TRPM3: variants seen among roughly 807,000 people sequenced by gnomAD.
The protein encoded by TRPM3 is long transient receptor potential channel 3.
A neutral mutation model predicts 181.2 loss-of-function variants in TRPM3; 77 were observed. The ratio of observed to expected loss-of-function variants is 0.42; its 90% CI spans 0.35 to 0.51. The LOEUF is 0.51. TRPM3 is among the 20% of genes least tolerant of loss of function. The pLI, the probability that TRPM3 is intolerant of heterozygous loss-of-function variation, is 0.01. For missense variants in TRPM3, 1,759 were observed against 2,196.7 expected (o/e 0.80, Z 3.98); for synonymous variants, 745 against 796.4 (o/e 0.94, Z 1.09).
intron 1 of TRPM3, among the ~76,000 whole-genome samples, chr9:71,030,968 A>T (rs1275622715): frequency 6.6e-6 from 1 of 152,176 alleles, no homozygotes; most frequent in East Asian, 1.9e-4. Context: ...GAAATGTTGA[A>T]CTTATGGGAT....
chr9:70,948,067 T>G (rs1564823479), intron 1 of TRPM3, among the ~76,000 whole-genome samples: 2 of 152,076 alleles, frequency 1.3e-5, no homozygotes, highest in Non-Finnish European at 1.5e-5. Flanking sequence ...CCAGCCTTAG[T>G]ATCATCCAAA....
chr9:71,371,063 G>A (rs1253979090), intron 1 of TRPM3, among the ~76,000 whole-genome samples: 7 of 146,622 alleles, frequency 4.8e-5, no homozygotes, highest in African/African-American at 5.1e-5. Context: ...CTACTTCTGA[G>A]AAAAAAAAAA....
At chr9:70,853,132 T>A (rs1318702720) in intron 3 of TRPM3, among the ~76,000 whole-genome samples, 2 of 152,204 alleles carry the variant, frequency 1.3e-5, no homozygotes, top group Admixed American at 1.3e-4. Context: ...TTTAGAGATA[T>A]CTTGGCAATC....
rs1197071384 is a variant in TRPM3 at position 71,198,881 on chromosome 9, T to A, written c.183+247772A>T. Reference sequence around the variant, plus strand: ...CCCTTTATTTCCTTCTCCTGTCTAATTGCCCTGGCCAGAACTTCCAACACT... The same window carrying A: ...CCCTTTATTTCCTTCTCCTGTCTAAATGCCCTGGCCAGAACTTCCAACACT... On this transcript the variant is annotated intron_variant, in intron 1 of 24. Transcript: ENST00000357533. Among the ~76,000 whole-genome samples, 2 of 118,256 alleles carry A rather than the reference T, an allele frequency of 1.7e-5. 1 individual carries two copies. Among genetic ancestry groups the A allele is most frequent in the Non-Finnish European group, 3.8e-5 (2 of 52,882 alleles). The allele number at this position is 118,256 out of a possible 152,430, so 77.6% of individuals were successfully genotyped here.
At chr9:70,672,459 G>A (rs551589426) in intron 9 of TRPM3, among the ~76,000 whole-genome samples, 1 of 152,252 alleles carries the variant, frequency 6.6e-6, no homozygotes, top group South Asian at 2.1e-4. Flanking sequence ...ATGCCACTTT[G>A]CCTGAATTCA....
intron 1 of TRPM3, among the ~76,000 whole-genome samples, chr9:71,107,289 C>T (rs567269628): frequency 6.6e-6 from 1 of 152,246 alleles, no homozygotes; most frequent in South Asian, 2.1e-4. Context: ...CTTGCCTTTG[C>T]CTGTACTGCA....
intron 6 of TRPM3, among the ~76,000 whole-genome samples, chr9:70,822,759 T>TTGTGTGTGTGTGTGTGTG (rs113090222): frequency 6.8e-6 from 1 of 147,100 alleles, no homozygotes; most frequent in African/African-American, 2.5e-5. Flanking sequence ...AAGATTTGTC[T>TTGTGTGTGTGTGTGTGTG]TGTGTGTGTG....
At chr9:70,741,302 T>A (rs777251104) in intron 8 of TRPM3, among the ~76,000 whole-genome samples, 132 of 152,266 alleles carry the variant, frequency 8.7e-4, no homozygotes, top group Non-Finnish European at 1.4e-3. Flanking sequence ...ATCAAGATTT[T>A]AAAAAAATAG....
intron 1 of TRPM3, among the ~76,000 whole-genome samples, chr9:71,058,255 AGCCT>A (rs2060895524): frequency 6.6e-6 from 1 of 152,068 alleles, no homozygotes; most frequent in East Asian, 1.9e-4. Flanking sequence ...GCATACTATA[AGCCT>A]GCATGGCTTA....
intron 1 of TRPM3, among the ~76,000 whole-genome samples, chr9:70,925,502 TATC>T (rs2096711808): frequency 6.6e-6 from 1 of 152,100 alleles, no homozygotes; most frequent in South Asian, 2.1e-4. Flanking sequence ...CTACAGTAAA[TATC>T]ATGGAACAAA....
At chr9:71,368,491 T>C (rs1223647395) in intron 1 of TRPM3, among the ~76,000 whole-genome samples, 2 of 152,092 alleles carry the variant, frequency 1.3e-5, no homozygotes, top group East Asian at 3.9e-4. Context: ...CCTCACCCAG[T>C]AGTTGGAAAG....
chr9:70,776,326 A>G (rs2081347046), intron 7 of TRPM3: 2 of 617,494 alleles, frequency 3.2e-6, no homozygotes, highest in Non-Finnish European at 5.8e-6. Flanking sequence ...AAGCTGGGGT[A>G]GGACACTGCA....
intron 1 of TRPM3, among the ~76,000 whole-genome samples, chr9:71,155,246 T>C (rs1015838423): frequency 5.9e-5 from 9 of 152,092 alleles, no homozygotes; most frequent in African/African-American, 1.9e-4. Flanking sequence ...CAAAAGTCTA[T>C]CCTAACTTTA....
chr9:71,257,330 A>G (rs118091222), intron 1 of TRPM3, among the ~76,000 whole-genome samples: 4,777 of 152,262 alleles, frequency 0.031, 124 homozygotes, highest in Middle Eastern at 0.061. Flanking sequence ...GAGTGTAAAG[A>G]AGAGAGAGTA....
chr9:71,316,163 CTCTA>C (rs2088569634), intron 1 of TRPM3, among the ~76,000 whole-genome samples: 3 of 152,162 alleles, frequency 2.0e-5, no homozygotes, highest in African/African-American at 7.2e-5. Context: ...AAGAGGATTG[CTCTA>C]TGTGCAAAGT....
intron 14 of TRPM3, among the ~76,000 whole-genome samples, chr9:70,622,242 C>T (rs2063742814): frequency 6.6e-6 from 1 of 152,146 alleles, no homozygotes; most frequent in African/African-American, 2.4e-5. Flanking sequence ...ATTTCCTACC[C>T]TCCAGAACTG....
chr9:70,688,419 C>T (rs531318313), intron 8 of TRPM3, among the ~76,000 whole-genome samples: 1 of 152,098 alleles, frequency 6.6e-6, no homozygotes, highest in Admixed American at 6.6e-5. Flanking sequence ...GTACATTGTA[C>T]CCAATATTGT....
At chr9:71,160,601 CA>C (rs2134699132) in intron 1 of TRPM3, among the ~76,000 whole-genome samples, 1 of 152,272 alleles carries the variant, frequency 6.6e-6, no homozygotes, top group African/African-American at 2.4e-5. Flanking sequence ...TTTACTTCCA[CA>C]AAATACAATC....
rs912512258 is a variant in TRPM3, at chr9:70,653,106, G to A, written c.1346-12446C>T. Among the ~76,000 whole-genome samples, 11 of 152,272 alleles carry A rather than the reference G, an allele frequency of 7.2e-5. No homozygotes were observed. In the East Asian group the frequency reaches 1.2e-3, roughly 16 times the overall value. ...GAAAGAACATGTACATGATGGATGA[G>A]ATCCTAGAGAATGGAGGCCAGGGAG... is the stretch of plus-strand genomic sequence containing the variant. On this transcript the variant is annotated intron_variant, in intron 9 of 25. Transcript: ENST00000677713.
Sources: gnomAD v4.1 joint callset for allele counts (sites outside exome capture counted in the v4.1 genomes callset) on GRCh38, gnomAD v4.1.1 for gene constraint, MANE v1.5 for transcripts, NCBI Gene and HGNC (gene_info 2026-07-23, HGNC 2026-07-21) for gene names.